Variants in CDC20B observed in about 807,000 individuals in gnomAD.
CDC20B encodes the protein cell division cycle 20B.
CDC20B carries 58 observed loss-of-function variants against 64.1 expected under a neutral mutation model. The observed-to-expected ratio is 0.90, with a 90% CI of 0.73 to 1.13. The LOEUF (loss-of-function observed/expected upper bound fraction) is 1.13, where lower values mean the gene tolerates loss of function less well. Ranked by LOEUF, CDC20B falls within the 50% of genes most tolerant of loss-of-function variation. The pLI is 0.00. For synonymous variants in CDC20B, 243 were observed against 230.6 expected (o/e 1.05, Z -0.49); for missense variants, 597 against 633.0 (o/e 0.94, Z 0.61).
chr5:55,145,152 C>T (rs929984018), intron 3 of CDC20B, among the ~76,000 whole-genome samples: 9 of 152,196 alleles, frequency 5.9e-5, no homozygotes, highest in Non-Finnish European at 1.2e-4. Context: ...AGCATCAAAA[C>T]TGTCCCTCAA....
intron 2 of CDC20B, among the ~76,000 whole-genome samples, chr5:55,147,143 A>G (rs1459996172): frequency 2.1e-5 from 3 of 143,934 alleles, no homozygotes; most frequent in Non-Finnish European, 4.5e-5. Flanking sequence ...GTTGTTTTAT[A>G]TATTTATATA....
At chr5:55,121,013 A>G (rs868353918) in intron 9 of CDC20B, among the ~76,000 whole-genome samples, 2 of 152,344 alleles carry the variant, frequency 1.3e-5, no homozygotes, top group South Asian at 4.1e-4. Flanking sequence ...TCACAACTCA[A>G]CAGTCTCAAG....
chr5:55,133,180 T>C (rs984455418), intron 6 of CDC20B, among the ~76,000 whole-genome samples: 2 of 152,178 alleles, frequency 1.3e-5, no homozygotes, highest in Non-Finnish European at 1.5e-5. Context: ...TTCTTTCTAA[T>C]ACAGTAACAT....
chr5:55,159,321 T>A lies in CDC20B; in HGVS notation c.127-12465A>T, dbSNP rs186154730. Reference sequence around the variant, plus strand: ...CGTGAGCCACCATGCCCGGCCTCAGTTTTTTCCATCTACAGGTTGTAGTGC... The same window carrying A: ...CGTGAGCCACCATGCCCGGCCTCAGATTTTTCCATCTACAGGTTGTAGTGC... On this transcript the variant is annotated intron_variant, in intron 2 of 11. Transcript: ENST00000381375. 4.1e-4 allele frequency among the ~76,000 whole-genome samples: 62 copies of A among 152,270 alleles called. No individual in the cohort carries two copies. In the East Asian group the frequency reaches 0.012, roughly 29 times the overall value.
At chr5:55,143,121 C>T (rs1436606791) in intron 4 of CDC20B, among the ~76,000 whole-genome samples, 3 of 152,118 alleles carry the variant, frequency 2.0e-5, no homozygotes, top group African/African-American at 7.2e-5. Flanking sequence ...AATAATTCAA[C>T]TTTTCCTAAG....
intron 2 of CDC20B, among the ~76,000 whole-genome samples, chr5:55,152,658 C>T (rs1482986792): frequency 6.6e-6 from 1 of 152,216 alleles, no homozygotes; most frequent in Non-Finnish European, 1.5e-5. Context: ...AACCCTGCCA[C>T]AGTTTGAACT....
At position 55,132,939 on chromosome 5, in the gene CDC20B, C is replaced by A. The variant is rs995281132; in HGVS notation, c.697+473G>T. ...AATATCTCCACAACGTCTTTCTGGA[C>A]AACACCGAAGCTCACTAAGCTCCTT... On this transcript the variant is annotated intron_variant, in intron 6 of 11. Transcript: ENST00000381375. 3.9e-5 allele frequency among the ~76,000 whole-genome samples: 6 copies of A among 152,172 alleles called. No homozygotes were observed. In the South Asian group the frequency reaches 1.2e-3, roughly 32 times the overall value.
At chr5:55,120,998 A>C (rs1742741840) in intron 9 of CDC20B, among the ~76,000 whole-genome samples, 1 of 152,190 alleles carries the variant, frequency 6.6e-6, no homozygotes, top group South Asian at 2.1e-4. Context: ...ACTATATGTG[A>C]TTGCTCACAA....
In CDC20B at chr5:55,146,801, C is replaced by A. The variant is rs771496764; in HGVS notation, c.182G>T (p.Arg61Met). The change falls in exon 3 of 12, where the codon AGG becomes ATG. Residue 61 changes from arginine (R) to methionine (M), a missense_variant. Arg to Met is a moderately conservative substitution (Grantham distance 91, BLOSUM62 -1). Transcript: ENST00000381375. ...CGCAACAGGAACCTCTGCGGACAGCCTCTTCGCAAAGTTGCTCTTAAAGTC... is the reference window on the plus strand; with the variant it reads ...CGCAACAGGAACCTCTGCGGACAGCATCTTCGCAAAGTTGCTCTTAAAGTC... ...YSDFKSNFAK[R>M]LSAEVPVASS... is the part of the protein sequence containing the mutation. 2.5e-6 allele frequency: 4 copies of A among 1,614,024 alleles called. No homozygotes were observed. In the African/African-American group the frequency reaches 5.3e-5, roughly 22 times the overall value.
intron 2 of CDC20B, among the ~76,000 whole-genome samples, chr5:55,153,615 C>CT (rs1467221174): frequency 4.0e-5 from 2 of 50,340 alleles, no homozygotes; most frequent in African/African-American, 1.5e-4. Flanking sequence ...CCGGGGTGGA[C>CT]TGAAGGTTTA....
chr5:55,120,766 AATCAAATTGTT>A (rs1229465602), intron 9 of CDC20B, among the ~76,000 whole-genome samples: 1 of 152,184 alleles, frequency 6.6e-6, no homozygotes, highest in African/African-American at 2.4e-5. Flanking sequence ...ATACGACTCA[AATCAAATTGTT>A]ATCAAATGAT....
intron 11 of CDC20B, among the ~76,000 whole-genome samples, chr5:55,115,278 C>T (rs1742595688): frequency 6.6e-6 from 1 of 152,140 alleles, no homozygotes; most frequent in Admixed American, 6.5e-5. Context: ...GTATTAAAAA[C>T]AAAAAGACTG....
chr5:55,123,154 G>A (rs1253133396), intron 9 of CDC20B, among the ~76,000 whole-genome samples: 4 of 152,028 alleles, frequency 2.6e-5, no homozygotes, highest in Admixed American at 6.6e-5. Flanking sequence ...ATTAATGTAC[G>A]GTTTAATAAA....
chr5:55,146,134 C>T (rs963748), intron 3 of CDC20B, among the ~76,000 whole-genome samples: 118,002 of 152,022 alleles, frequency 0.78, 46,530 homozygotes, highest in Admixed American at 0.87. Flanking sequence ...CCCTACATCT[C>T]AAACTGCAAC....
intron 2 of CDC20B, among the ~76,000 whole-genome samples, chr5:55,163,395 C>T (rs1236498336): frequency 6.6e-6 from 1 of 152,066 alleles, no homozygotes; most frequent in Non-Finnish European, 1.5e-5. Flanking sequence ...TGATTATTCA[C>T]TTTGGGAGGC....
intron 8 of CDC20B, 134 bp downstream of exon 8, chr5:55,127,123 C>A (rs192830129): frequency 2.7e-6 from 2 of 728,084 alleles, no homozygotes; most frequent in East Asian, 2.6e-5. Context: ...TGGGATCATA[C>A]CTGATATTAA....
chr5:55,130,495 C>A (rs1743003239), intron 6 of CDC20B, among the ~76,000 whole-genome samples: 1 of 152,056 alleles, frequency 6.6e-6, no homozygotes, highest in Admixed American at 6.6e-5. Flanking sequence ...GTCAATGGAA[C>A]AACATCTTTT....
chr5:55,168,289 A>G (rs896264455), intron 2 of CDC20B, among the ~76,000 whole-genome samples: 1 of 152,040 alleles, frequency 6.6e-6, no homozygotes, highest in Non-Finnish European at 1.5e-5. Context: ...GAGGGCAGCG[A>G]TGGGAAGTAG....
intron 11 of CDC20B, among the ~76,000 whole-genome samples, chr5:55,119,427 C>T (rs1195074108): frequency 2.0e-5 from 3 of 152,160 alleles, no homozygotes; most frequent in Non-Finnish European, 4.4e-5. Flanking sequence ...TCATTAGTGG[C>T]CTCCTGACAC....
Sources: allele counts gnomAD v4.1 joint callset (sites outside exome capture counted in the v4.1 genomes callset), GRCh38; gene constraint gnomAD v4.1.1; transcripts MANE v1.5; gene names NCBI Gene and HGNC (gene_info 2026-07-23, HGNC 2026-07-21).